The following DNAJC11 variants were observed in gnomAD, a reference collection of about 807,000 sequenced individuals.
DNAJC11 encodes the protein dnaJ homolog subfamily C member 11.
Under a neutral mutation model 78.6 loss-of-function variants are expected in DNAJC11, and 15 were observed. The observed-to-expected ratio is 0.19, with a 90% CI of 0.13 to 0.29. The LOEUF (loss-of-function observed/expected upper bound fraction) is 0.29. DNAJC11 is among the 10% of genes least tolerant of loss of function. DNAJC11 has a pLI of 1.00. For missense variants in DNAJC11, 547 were observed against 709.6 expected (o/e 0.77, Z 2.60); for synonymous variants, 292 against 272.1 (o/e 1.07, Z -0.72).
At chr1:6,656,100 T>TAAAAAA (rs749444041) in intron 4 of DNAJC11, among the ~76,000 whole-genome samples, 6 of 88,850 alleles carry the variant, frequency 6.8e-5, no homozygotes, top group East Asian at 3.1e-4. Context: ...AGACTCCGTC[T>TAAAAAA]AAAAAAAAAA....
chr1:6,671,584 T>C (rs1006816156), intron 3 of DNAJC11, among the ~76,000 whole-genome samples: 1 of 146,184 alleles, frequency 6.8e-6, no homozygotes, highest in African/African-American at 2.6e-5. Flanking sequence ...CAGGCTGGAG[T>C]GCAATGGTGC....
chr1:6,646,082 T>C, intron 7 of DNAJC11, 104 bp from the exon 8 acceptor site: 2 of 1,193,326 alleles, frequency 1.7e-6, no homozygotes, highest in Non-Finnish European at 2.4e-6. Context: ...GTCACGTCTA[T>C]GCATCCCTGG....
At chr1:6,651,463 C>T in intron 7 of DNAJC11, 66 bp downstream of exon 7, 1 of 1,377,228 alleles carries the variant, frequency 7.3e-7, no homozygotes, top group South Asian at 1.2e-5. Flanking sequence ...ATAAAAAGAA[C>T]ACACAGTTCT....
rs770403524 is a variant in DNAJC11, at chr1:6,636,213, C to A, written c.1558G>T (p.Gly520Trp). 1 of 1,614,142 alleles carries A rather than the reference C, an allele frequency of 6.2e-7. No individual in the cohort carries two copies. The highest frequency in any genetic ancestry group is 1.7e-5 in the Admixed American group (1 of 60,020). ...AGCACTTTCAGGTTCTTCTCTTCCC[C>A]CACACACGGGTCATAAAAGCCAGGC... ...GLPGFYDPCV[G>W]EEKNLKVLYQ... Residue 520 changes from glycine (G) to tryptophan (W), a missense_variant, in exon 15 of 16, where the codon GGG becomes TGG. Coordinates refer to ENST00000377577, the MANE Select transcript of DNAJC11 (RefSeq NM_018198.4).
intron 7 of DNAJC11, among the ~76,000 whole-genome samples, chr1:6,649,822 C>CTCAGCCTCCCAAG (rs1307370872): frequency 1.3e-5 from 2 of 150,864 alleles, no homozygotes; most frequent in Non-Finnish European, 2.9e-5. Context: ...ATCCTCCCAC[C>CTCAGCCTCCCAAG]TCAGCCTCCC....
rs778231246 is a variant in DNAJC11, at chr1:6,637,191, G to C, written c.1524+7C>G. On this transcript the variant is annotated splice_region_variant and intron_variant, in intron 14 of 15. Transcript: ENST00000377577. ...CACATAGCATGTGGTGGCTGGTGCT[G>C]CTGTACCTTGGAGGCCTCCGTGAGG... 1.9e-6 allele frequency: 3 copies of C among 1,613,996 alleles called. No individual in the cohort carries two copies. Among genetic ancestry groups the C allele is most frequent in the Non-Finnish European group, 2.5e-6 (3 of 1,180,028 alleles).
chr1:6,679,016 T>C (rs904875947), intron 2 of DNAJC11, among the ~76,000 whole-genome samples: 1 of 152,162 alleles, frequency 6.6e-6, no homozygotes, highest in Non-Finnish European at 1.5e-5. Flanking sequence ...CAAGTTACTC[T>C]TGATTGGAAG....
intron 3 of DNAJC11, chr1:6,670,964 A>G (rs1474674366): frequency 2.0e-5 from 3 of 152,228 alleles, no homozygotes; most frequent in Admixed American, 2.0e-4. Flanking sequence ...TAGGTAATCA[A>G]CTATTCCATT....
Position 6,694,639 on chromosome 1 carries a change from A to G in DNAJC11, c.72+7090T>C, listed in dbSNP as rs1642803129. Among the ~76,000 whole-genome samples, 3 of 151,844 alleles carry G rather than the reference A, an allele frequency of 2.0e-5. No individual in the cohort carries two copies. The South Asian group carries it at 6.2e-4, about 32-fold the overall frequency. Reference sequence around the variant, plus strand: ...TCCACCTTAGGCTGGACTACAGGTTACAGCTCATGCCACCATGCCCAGCTA... The same window carrying G: ...TCCACCTTAGGCTGGACTACAGGTTGCAGCTCATGCCACCATGCCCAGCTA... On this transcript the variant is annotated intron_variant, in intron 1 of 15. Coordinates refer to ENST00000377577, the MANE Select transcript of DNAJC11 (RefSeq NM_018198.4).
rs934208040 is a variant in DNAJC11 at position 6,676,688 on chromosome 1, AACAC to A, written c.276+1702_276+1705del. On this transcript the variant is annotated intron_variant, in intron 3 of 15. Coordinates refer to ENST00000377577, the MANE Select transcript of DNAJC11 (RefSeq NM_018198.4). ...GAGCACGCGCGCACTCTCTCTCACAAACACACACACACACCAAAAAAGGCTATTA... is the reference window on the plus strand; with the variant it reads ...GAGCACGCGCGCACTCTCTCTCACAAACACACACACCAAAAAAGGCTATTA... Among the ~76,000 whole-genome samples the A allele has an allele frequency of 4.2e-4, 63 of 151,758 alleles. 1 individual carries two copies. The highest frequency in any genetic ancestry group is 5.0e-4 in the Non-Finnish European group (34 of 67,872).
chr1:6,675,286 C>T (rs887629763), intron 3 of DNAJC11, among the ~76,000 whole-genome samples: 1 of 143,112 alleles, frequency 7.0e-6, no homozygotes, highest in African/African-American at 2.6e-5. Flanking sequence ...TTAGTATCCA[C>T]ATGAAAAAAA....
In DNAJC11 at chr1:6,634,529, GCCACCAC is replaced by G. The variant is rs754796616; in HGVS notation, c.*1139_*1145del. Reference sequence around the variant, plus strand: ...GGGGCCCCCCGCGCCAGCTGTCTCAGCCACCACCTGTGCGGCGCTTGCTCCGAGGGGT... The same window carrying G: ...GGGGCCCCCCGCGCCAGCTGTCTCAGCTGTGCGGCGCTTGCTCCGAGGGGT... On this transcript the variant is annotated 3_prime_UTR_variant, in exon 16 of 16. Coordinates refer to ENST00000377577, the MANE Select transcript of DNAJC11 (RefSeq NM_018198.4). 1 of 1,362,398 alleles carries G rather than the reference GCCACCAC, an allele frequency of 7.3e-7. No homozygotes were observed. Among genetic ancestry groups the G allele is most frequent in the Non-Finnish European group, 9.8e-7 (1 of 1,020,664 alleles). 84.4% of individuals were successfully genotyped at this position (1,362,398 alleles called of 1,614,324 possible). A position where few individuals can be genotyped will look rare whatever the true frequency, so the allele number is the denominator to read the frequency against.
chr1:6,690,105 C>G (rs1642721352), intron 1 of DNAJC11, among the ~76,000 whole-genome samples: 2 of 152,040 alleles, frequency 1.3e-5, no homozygotes, highest in Admixed American at 1.3e-4. Context: ...GGACCCCTAA[C>G]CCGAAAGATT....
chr1:6,649,210 C>T (rs1051375933), intron 7 of DNAJC11, among the ~76,000 whole-genome samples: 2 of 151,806 alleles, frequency 1.3e-5, no homozygotes, highest in African/African-American at 4.8e-5. Flanking sequence ...GACAGAGTCG[C>T]CCAGGCTGGA....
In DNAJC11 at chr1:6,680,809, C is replaced by T; in HGVS notation, c.202+99G>A. The T allele has an allele frequency of 6.8e-7, 1 of 1,469,572 alleles. No homozygotes were observed. Among genetic ancestry groups the T allele is most frequent in the South Asian group, 1.3e-5 (1 of 77,706 alleles). 91.0% of individuals were successfully genotyped at this position (1,469,572 alleles called of 1,614,324 possible). On this transcript the variant is annotated intron_variant, in intron 2 of 15. Transcript: ENST00000377577. This position sits in a 1 kb window ranked among gnomAD's most constrained non-coding sequence, Gnocchi z 4.0. ...TAAACTAACCACCTGTTTTATATAC[C>T]TCTAAGGACTCTCTTTTTCTATCCT...
intron 4 of DNAJC11, chr1:6,654,276 C>T (rs754688636): frequency 9.0e-5 from 35 of 387,220 alleles, no homozygotes; most frequent in African/African-American, 2.1e-4. Flanking sequence ...CCAGGAGAGC[C>T]GGTCCGCATG....
At chr1:6,637,750 C>T (rs1570261089) in intron 12 of DNAJC11, 9 of 577,922 alleles carry the variant, frequency 1.6e-5, no homozygotes, top group Non-Finnish European at 2.5e-5. Context: ...CCGGTGGCCA[C>T]CGGTGGGAGC....
intron 1 of DNAJC11, among the ~76,000 whole-genome samples, chr1:6,691,892 A>T (rs189049210): frequency 9.5e-4 from 145 of 152,166 alleles, no homozygotes; most frequent in African/African-American, 3.3e-3. Context: ...GAAATGTGTG[A>T]CTCCTTTAAA....
chr1:6,671,930 G>A (rs1190011160), intron 3 of DNAJC11, among the ~76,000 whole-genome samples: 3 of 151,864 alleles, frequency 2.0e-5, no homozygotes, highest in African/African-American at 7.3e-5. Context: ...CGCTTCCAGG[G>A]TTCAAGCAAT....
Sources: allele counts gnomAD v4.1 joint callset (sites outside exome capture counted in the v4.1 genomes callset), GRCh38; gene constraint gnomAD v4.1.1; non-coding constraint Gnocchi (gnomAD v3.1); transcripts MANE v1.5; gene names NCBI Gene and HGNC (gene_info 2026-07-23, HGNC 2026-07-21).